Variants in DNAH8 observed in about 807,000 individuals in gnomAD.
DNAH8 encodes the protein dynein axonemal heavy chain 8.
In DNAH8, 382 loss-of-function variants were observed where a neutral mutation model predicts 562.1. The ratio of observed to expected loss-of-function variants is 0.68; its 90% CI spans 0.63 to 0.74. The LOEUF is 0.74. Among genes scored for constraint, DNAH8 ranks in the 30% least tolerant of loss-of-function variants. DNAH8 has a pLI of 0.00. For synonymous variants in DNAH8, 1,881 were observed against 1,919.4 expected (o/e 0.98, Z 0.52); for missense variants, 5,203 against 5,620.4 (o/e 0.93, Z 2.37).
At chr6:38,887,833 CTTTTT>C (rs538279493) in intron 57 of DNAH8, among the ~76,000 whole-genome samples, 1 of 120,868 alleles carries the variant, frequency 8.3e-6, no homozygotes, top group Non-Finnish European at 1.7e-5. Context: ...AAAGGGCAGA[CTTTTT>C]TTTTTTTTTT....
At chr6:38,845,848 T>A in intron 36 of DNAH8, 75 bp downstream of exon 36, 1 of 1,263,010 alleles carries the variant, frequency 7.9e-7, no homozygotes, top group Non-Finnish European at 1.1e-6. Context: ...AGCTCAGTTT[T>A]AAAGCTCTTT....
chr6:38,786,527 G>C (rs112777875), intron 17 of DNAH8, among the ~76,000 whole-genome samples: 11 of 152,124 alleles, frequency 7.2e-5, no homozygotes, highest in Non-Finnish European at 1.6e-4. Flanking sequence ...CACCATTCTT[G>C]GTCAATGTTT....
At position 38,868,143 on chromosome 6, in the gene DNAH8, A is replaced by G. The variant is rs1554234145; in HGVS notation, c.6775A>G (p.Ser2259Gly). The change falls in exon 48 of 93, where the codon AGT (serine) becomes GGT (glycine). Residue 2259 changes from serine to glycine, a missense_variant. Transcript: ENST00000327475. ...TCAAAAAAGAGCCAGACCAGAAGAT[A>G]GTGAATTAAGCATTGTCATGAGAGG... ...GSQKRARPED[S>G]ELSIVMRGLR... The G allele has an allele frequency of 6.2e-7, 1 of 1,613,866 alleles. No homozygotes were observed. The highest frequency in any genetic ancestry group is 1.7e-5 in the Admixed American group (1 of 60,026).
chr6:38,720,161 C>A (rs1355771959), intron 1 of DNAH8, among the ~76,000 whole-genome samples: 2 of 152,138 alleles, frequency 1.3e-5, no homozygotes, highest in Admixed American at 1.3e-4. Context: ...AAGTGGACAA[C>A]CAACTTTCCT....
At chr6:38,929,024 A>G (rs902236163) in intron 74 of DNAH8, among the ~76,000 whole-genome samples, 1 of 152,206 alleles carries the variant, frequency 6.6e-6, no homozygotes, top group Admixed American at 6.5e-5. Flanking sequence ...TCCCAGTGCC[A>G]ATAGGAGACA....
intron 75 of DNAH8, among the ~76,000 whole-genome samples, chr6:38,930,923 A>G (rs146950029): frequency 8.6e-4 from 131 of 152,038 alleles, no homozygotes; most frequent in Non-Finnish European, 1.6e-3. Flanking sequence ...CCCATCCCCT[A>G]TCTTGCTGGC....
At chr6:38,967,445 C>A (rs1437458396) in intron 82 of DNAH8, among the ~76,000 whole-genome samples, 1 of 151,982 alleles carries the variant, frequency 6.6e-6, no homozygotes, top group Non-Finnish European at 1.5e-5. Flanking sequence ...TTGTAGGATA[C>A]AAGATCAATA....
intron 87 of DNAH8, 186 bp downstream of exon 87, chr6:38,984,493 C>CA: frequency 1.8e-6 from 1 of 552,824 alleles, no homozygotes; most frequent in South Asian, 2.1e-5. Context: ...CACACACACA[C>CA]ACAACAACCA....
chr6:38,945,006 A>G (rs1783750459), intron 79 of DNAH8, among the ~76,000 whole-genome samples: 1 of 151,628 alleles, frequency 6.6e-6, no homozygotes, highest in Non-Finnish European at 1.5e-5. Context: ...CCCTAACCCT[A>G]ACCTTAACCC....
Position 39,012,274 on chromosome 6 carries a change from A to G in DNAH8, c.13431A>G (p.Gln4477=), listed in dbSNP as rs1766263823. Residue 4477 remains glutamine, a synonymous_variant, in exon 90 of 93, where the codon CAA becomes CAG. Coordinates refer to ENST00000327475, the MANE Select transcript of DNAH8 (RefSeq NM_001206927.2). ...HLNSMNIFLR[Q]EIDRMQRVIS... ...ATTCAATGAACATATTTCTTAGACA[A>G]GAAATTGACAGAATGCAAAGAGTCA... 6.2e-7 allele frequency: 1 copy of G among 1,612,656 alleles called. No individual in the cohort carries two copies. Among genetic ancestry groups the G allele is most frequent in the Non-Finnish European group, 8.5e-7 (1 of 1,178,812 alleles).
At chr6:38,734,703 T>C in intron 5 of DNAH8, 78 bp downstream of exon 5, 1 of 1,484,860 alleles carries the variant, frequency 6.7e-7, no homozygotes, top group East Asian at 2.3e-5. Flanking sequence ...TTTACTTTGC[T>C]TTCCCTTTTT....
At chr6:38,733,988 ATGATGCAAT>A (rs1562584045) in intron 4 of DNAH8, among the ~76,000 whole-genome samples, 1 of 86,466 alleles carries the variant, frequency 1.2e-5, no homozygotes. Flanking sequence ...AAAAAAAAAA[ATGATGCAAT>A]TATTGGCCAG....
chr6:38,950,452 T>C (rs1350685903), intron 81 of DNAH8, among the ~76,000 whole-genome samples: 2 of 151,820 alleles, frequency 1.3e-5, no homozygotes, highest in African/African-American at 4.8e-5. Flanking sequence ...GCTTTTTTTT[T>C]TTTTTGAGAC....
At chr6:38,715,951 TATA>T (rs1208298578) in intron 1 of DNAH8, among the ~76,000 whole-genome samples, 2 of 28,084 alleles carry the variant, frequency 7.1e-5, no homozygotes, top group East Asian at 8.1e-4. Context: ...TATATATATA[TATA>T]TATATATTTT....
intron 82 of DNAH8, among the ~76,000 whole-genome samples, chr6:38,961,537 A>G (rs1363525322): frequency 6.6e-6 from 1 of 152,068 alleles, no homozygotes; most frequent in Non-Finnish European, 1.5e-5. Flanking sequence ...ATGGGCAAAT[A>G]TAAGAAAGAT....
chr6:38,939,522 C>T (rs2150597084), intron 79 of DNAH8, among the ~76,000 whole-genome samples: 1 of 152,200 alleles, frequency 6.6e-6, no homozygotes, highest in Non-Finnish European at 1.5e-5. Context: ...AAGAATAAAC[C>T]AGATATTGCT....
At chr6:38,885,222 G>A (rs576156967) in intron 56 of DNAH8, among the ~76,000 whole-genome samples, 20 of 152,202 alleles carry the variant, frequency 1.3e-4, no homozygotes, top group African/African-American at 4.1e-4. Flanking sequence ...TGGTTGGATC[G>A]CAAACTTAAC....
chr6:38,715,917 AATAAATAAATATATATATAT>A (rs1471585135), intron 1 of DNAH8, among the ~76,000 whole-genome samples: 13 of 50,436 alleles, frequency 2.6e-4, no homozygotes, highest in Admixed American at 2.4e-4. Context: ...TAAATAAATA[AATAAATAAATATATATATAT>A]ATATATATAT....
At position 38,722,854 on chromosome 6, in the gene DNAH8, G is replaced by C. The variant is rs534843319; in HGVS notation, c.45G>C (p.Glu15Asp). 1.9e-6 allele frequency: 3 copies of C among 1,610,244 alleles called. No individual in the cohort carries two copies. The highest frequency in any genetic ancestry group is 4.5e-5 in the East Asian group (2 of 44,850). Residue 15 changes from glutamate to aspartate, a missense_variant, in exon 2 of 93, where the codon GAG (glutamate) becomes GAC (aspartate). Physicochemically the swap from Glu to Asp is conservative, Grantham distance 45 (BLOSUM62 2). Coordinates refer to ENST00000327475, the MANE Select transcript of DNAH8 (RefSeq NM_001206927.2). Reference sequence around the variant, plus strand: ...ATGGCGCCCCTTCTGAGGGAGCAGAGGCTCCTCCCTCTACGGAAGAGGCTG... The same window carrying C: ...ATGGCGCCCCTTCTGAGGGAGCAGACGCTCCTCCCTCTACGGAAGAGGCTG... Reference protein sequence around the residue: ...AEDGAPSEGAEAPPSTEEAAP... With the variant: ...AEDGAPSEGADAPPSTEEAAP...
Sources: gnomAD v4.1 joint callset for allele counts (sites outside exome capture counted in the v4.1 genomes callset) on GRCh38, gnomAD v4.1.1 for gene constraint, MANE v1.5 for transcripts, NCBI Gene and HGNC (gene_info 2026-07-23, HGNC 2026-07-21) for gene names.